The following LINGO2 variants were observed in gnomAD, a reference collection of about 807,000 sequenced individuals.
The protein encoded by LINGO2 is leucine rich repeat and Ig domain containing 2, also known as leucine-rich repeat and immunoglobulin-like domain-containing nogo receptor-interacting protein 2.
A neutral mutation model predicts 30.6 loss-of-function variants in LINGO2; 14 were observed. That is an observed-to-expected ratio of 0.46 (90% CI 0.30 to 0.72). LINGO2 has a LOEUF of 0.72. LINGO2 is among the 30% of genes least tolerant of loss of function. The probability of loss-of-function intolerance (pLI) is 0.07; values close to 1 mark genes in which losing one functional copy is unlikely to be tolerated. For missense variants in LINGO2, 729 were observed against 751.7 expected (o/e 0.97, Z 0.35); for synonymous variants, 317 against 288.5 (o/e 1.10, Z -1.00).
chr9:29,079,103 T>C, the LINGO2 span, among the ~76,000 whole-genome samples: 2 of 151,640 alleles, frequency 1.3e-5, no homozygotes, highest in African/African-American at 4.8e-5. Context: ...TTCCGTCTTG[T>C]TCCTAATTTG....
At chr9:29,211,239 G>C in the LINGO2 span, among the ~76,000 whole-genome samples, 5 of 152,064 alleles carry the variant, frequency 3.3e-5, no homozygotes, top group Non-Finnish European at 5.9e-5. Context: ...ATTACCGGCT[G>C]ACAGACACGG....
the LINGO2 span, among the ~76,000 whole-genome samples, chr9:28,867,231 G>T: frequency 6.6e-6 from 1 of 151,908 alleles, no homozygotes; most frequent in Non-Finnish European, 1.5e-5. Context: ...TAAAAAGAAT[G>T]AAAATAGTAG....
intron 4 of LINGO2, among the ~76,000 whole-genome samples, chr9:28,240,772 G>C (rs369583999): frequency 6.6e-6 from 1 of 152,058 alleles, no homozygotes; most frequent in Non-Finnish European, 1.5e-5. Context: ...CATAAGCAAC[G>C]AAAGAAAACA....
intron 2 of LINGO2, among the ~76,000 whole-genome samples, chr9:28,385,885 A>C (rs1027991491): frequency 4.1e-4 from 63 of 152,236 alleles, no homozygotes; most frequent in Middle Eastern, 3.4e-3. Context: ...AACTGTGTGG[A>C]ATTTATTTTT....
chr9:29,055,938 G>GTATATATATATATATATATATACATATA, the LINGO2 span, among the ~76,000 whole-genome samples: 1 of 99,820 alleles, frequency 1.0e-5, no homozygotes, highest in Non-Finnish European at 2.1e-5. Flanking sequence ...GTATGTGTGT[G>GTATATATATATATATATATATACATATA]TGTATATATA....
intron 4 of LINGO2, among the ~76,000 whole-genome samples, chr9:28,287,509 G>A (rs76726587): frequency 0.027 from 4,044 of 152,276 alleles, 157 homozygotes; most frequent in African/African-American, 0.092. Flanking sequence ...ACATTCAGCA[G>A]AATTACTTAA....
At chr9:28,974,634 A>T in the LINGO2 span, among the ~76,000 whole-genome samples, 598 of 152,292 alleles carry the variant, frequency 3.9e-3, 6 homozygotes, top group African/African-American at 0.014. Context: ...ATAAAACTTG[A>T]CTTTCATTTG....
chr9:28,003,428 T>TTAC (rs1822084636), intron 5 of LINGO2, among the ~76,000 whole-genome samples: 1 of 151,950 alleles, frequency 6.6e-6, no homozygotes, highest in African/African-American at 2.4e-5. Context: ...ATTTCAGTGT[T>TTAC]TACTATTAGA....
intron 3 of LINGO2, among the ~76,000 whole-genome samples, chr9:28,324,831 C>T (rs1172505667): frequency 6.6e-6 from 1 of 152,118 alleles, no homozygotes; most frequent in African/African-American, 2.4e-5. Flanking sequence ...CAGCCCATGC[C>T]ACTGCTCTGC....
chr9:29,071,503 A>G, the LINGO2 span, among the ~76,000 whole-genome samples: 602 of 118,940 alleles, frequency 5.1e-3, 5 homozygotes, highest in African/African-American at 0.019. Context: ...ATATATATAT[A>G]TATATATATA....
chr9:28,875,797 A>G, the LINGO2 span, among the ~76,000 whole-genome samples: 2 of 152,204 alleles, frequency 1.3e-5, no homozygotes, highest in East Asian at 3.9e-4. Flanking sequence ...AACTTTTAAG[A>G]TTCTCTTATT....
intron 3 of LINGO2, among the ~76,000 whole-genome samples, chr9:28,334,263 G>A (rs976969222): frequency 6.6e-6 from 1 of 152,118 alleles, no homozygotes; most frequent in African/African-American, 2.4e-5. Flanking sequence ...GGTACTATGA[G>A]TGACGAAACT....
At chr9:28,098,094 C>G (rs533750383) in intron 4 of LINGO2, among the ~76,000 whole-genome samples, 37 of 152,226 alleles carry the variant, frequency 2.4e-4, no homozygotes, top group Middle Eastern at 3.4e-3. Flanking sequence ...CACTTGAGGT[C>G]AGGAATTTGA....
chr9:28,626,898 T>TC, intron 1 of LINGO2, among the ~76,000 whole-genome samples: 1 of 152,076 alleles, frequency 6.6e-6, no homozygotes, highest in East Asian at 1.9e-4. Flanking sequence ...TTGAGCATGT[T>TC]TATAGTAGCC....
chr9:28,719,745 A>G, the LINGO2 span, among the ~76,000 whole-genome samples: 2 of 151,994 alleles, frequency 1.3e-5, no homozygotes, highest in Non-Finnish European at 2.9e-5. Context: ...AATAAAGATT[A>G]CTCCTCTAAG....
At chr9:28,742,843 CT>C in the LINGO2 span, among the ~76,000 whole-genome samples, 1 of 12,302 alleles carries the variant, frequency 8.1e-5, no homozygotes, top group African/African-American at 9.7e-5. Flanking sequence ...CTCTTGCCCC[CT>C]CTGTGCTATT....
chr9:28,993,459 C>T, the LINGO2 span, among the ~76,000 whole-genome samples: 6 of 152,118 alleles, frequency 3.9e-5, no homozygotes, highest in Non-Finnish European at 7.4e-5. Context: ...TGGTAACATT[C>T]CTTCTGAAAC....
At chr9:27,949,675 G>A (rs1236787134) in exon 6 of LINGO2, 1 of 1,614,000 alleles carries the variant, frequency 6.2e-7, no homozygotes, top group East Asian at 2.2e-5. Flanking sequence ...AAAGTTTCCA[G>A]CAGGTTCTGA....
At chr9:27,952,299 T>C (rs1819353117) in intron 5 of LINGO2, among the ~76,000 whole-genome samples, 1 of 151,950 alleles carries the variant, frequency 6.6e-6, no homozygotes, top group South Asian at 2.1e-4. Flanking sequence ...TACATAGAAC[T>C]AATATGACAA....
Sources: allele counts gnomAD v4.1 joint callset (sites outside exome capture counted in the v4.1 genomes callset), GRCh38; gene constraint gnomAD v4.1.1; transcripts MANE v1.5; gene names NCBI Gene and HGNC (gene_info 2026-07-23, HGNC 2026-07-21).